ADIPOR2: variants seen among roughly 807,000 people sequenced by gnomAD.
ADIPOR2 encodes adiponectin receptor 2.
In ADIPOR2, 18 loss-of-function variants were observed where a neutral mutation model predicts 40.9. The ratio of observed to expected loss-of-function variants is 0.44; its 90% CI spans 0.30 to 0.65. ADIPOR2 has a LOEUF of 0.65. ADIPOR2 is among the 30% of genes least tolerant of loss of function. ADIPOR2 has a pLI of 0.09. For synonymous variants in ADIPOR2, 165 were observed against 166.4 expected (o/e 0.99, Z 0.06); for missense variants, 283 against 479.2 (o/e 0.59, Z 3.82).
chr12:1,714,929 CA>C (rs1279963396), intron 1 of ADIPOR2, among the ~76,000 whole-genome samples: 3 of 152,136 alleles, frequency 2.0e-5, no homozygotes, highest in Non-Finnish European at 4.4e-5. Context: ...GGTCTACTGT[CA>C]TCTGCTTTAA....
intron 1 of ADIPOR2, among the ~76,000 whole-genome samples, chr12:1,738,829 T>A (rs571018938): frequency 1.3e-5 from 2 of 152,330 alleles, no homozygotes; most frequent in South Asian, 2.1e-4. Context: ...ATTTTTAGAT[T>A]GATTTATATT....
intron 1 of ADIPOR2, among the ~76,000 whole-genome samples, chr12:1,726,948 A>T (rs2094709240): frequency 6.6e-6 from 1 of 152,180 alleles, no homozygotes; most frequent in Non-Finnish European, 1.5e-5. Flanking sequence ...CTGAGTCGTC[A>T]TCTTTCTATA....
At chr12:1,703,517 C>G (rs2094654876) in intron 1 of ADIPOR2, among the ~76,000 whole-genome samples, 2 of 152,172 alleles carry the variant, frequency 1.3e-5, no homozygotes, top group South Asian at 4.1e-4. Context: ...AGGAAGTTTG[C>G]TTGAGCCCAA....
intron 2 of ADIPOR2, chr12:1,758,106 T>A: frequency 1.8e-6 from 1 of 554,832 alleles, no homozygotes; most frequent in Non-Finnish European, 3.2e-6. Context: ...ATTGATTTTT[T>A]TATGTGTTGT....
chr12:1,704,183 A>G (rs2094657217), intron 1 of ADIPOR2, among the ~76,000 whole-genome samples: 1 of 150,324 alleles, frequency 6.7e-6, no homozygotes, highest in Admixed American at 6.8e-5. Context: ...AATAATTTTT[A>G]AAAGCAGCTC....
At chr12:1,779,494 G>A (rs952691095) in intron 4 of ADIPOR2, among the ~76,000 whole-genome samples, 1 of 152,166 alleles carries the variant, frequency 6.6e-6, no homozygotes, top group Non-Finnish European at 1.5e-5. Flanking sequence ...GTAGATTAGT[G>A]GTTGTTTAGG....
At position 1,780,571 on chromosome 12, in the gene ADIPOR2, T is replaced by C. The variant is rs756843147; in HGVS notation, c.584T>C (p.Leu195Pro). 1 of 1,613,804 alleles carries C rather than the reference T, an allele frequency of 6.2e-7. No individual in the cohort carries two copies. The highest frequency in any genetic ancestry group is 8.5e-7 in the Non-Finnish European group (1 of 1,179,886). Residue 195 changes from leucine to proline, a missense_variant, in exon 5 of 8, where the codon CTT becomes CCT. Physicochemically the swap from Leu to Pro is moderately conservative, Grantham distance 98. Transcript: ENST00000357103. The part of the protein sequence containing the change: ...GLFFLGAILC[L>P]SFSWLFHTVY... ...TTTTTCTTAGGAGCCATTCTCTGCC[T>C]TTCTTTTTCATGGCTCTTCCACACA...
In ADIPOR2 at chr12:1,697,519, T is replaced by G. The variant is rs78166310; in HGVS notation, c.-87+6328T>G. ...AGAGTTCAGTCATCACATCCAAAGA[T>G]ATCTTGGCTGCAGTTACATTGCTGT... is the stretch of plus-strand genomic sequence containing the variant. On this transcript the variant is annotated intron_variant, in intron 1 of 7. Coordinates refer to ENST00000357103, the MANE Select transcript of ADIPOR2 (RefSeq NM_024551.3). The G allele has an allele frequency of 7.9e-3, 1,208 of 153,056 alleles. 42 individuals are homozygous for G. In the South Asian group the frequency reaches 0.08, roughly 10 times the overall value. The allele number at this position is 153,056 out of a possible 1,614,324, so 9.5% of individuals were successfully genotyped here.
intron 1 of ADIPOR2, among the ~76,000 whole-genome samples, chr12:1,711,820 C>G (rs78182236): frequency 0.11 from 16,857 of 152,114 alleles, 1,241 homozygotes; most frequent in Admixed American, 0.22. Flanking sequence ...CTGCCACCTC[C>G]TTGGGTTTTT....
chr12:1,780,050 T>C (rs1159596933), intron 4 of ADIPOR2: 1 of 155,474 alleles, frequency 6.4e-6, no homozygotes, highest in Non-Finnish European at 1.4e-5. Context: ...TGGAATTCAT[T>C]GTAAAAACAA....
intron 1 of ADIPOR2, among the ~76,000 whole-genome samples, chr12:1,749,133 T>C (rs897134199): frequency 3.3e-5 from 5 of 152,128 alleles, no homozygotes; most frequent in African/African-American, 1.2e-4. Flanking sequence ...AGGTTACAGA[T>C]GAAGGGACGT....
intron 1 of ADIPOR2, among the ~76,000 whole-genome samples, chr12:1,716,673 G>T (rs904015138): frequency 9.2e-5 from 14 of 152,122 alleles, no homozygotes; most frequent in African/African-American, 2.7e-4. Flanking sequence ...GATGCATCTG[G>T]TTTTGCCAAA....
At chr12:1,748,202 T>C (rs2094760055) in intron 1 of ADIPOR2, among the ~76,000 whole-genome samples, 1 of 152,136 alleles carries the variant, frequency 6.6e-6, no homozygotes, top group Admixed American at 6.6e-5. Context: ...TTCATTGATC[T>C]CTATCTGAGG....
chr12:1,761,664 A>G (rs924722175), intron 2 of ADIPOR2, among the ~76,000 whole-genome samples: 4 of 152,230 alleles, frequency 2.6e-5, no homozygotes, highest in African/African-American at 9.6e-5. Flanking sequence ...TCTTTGAGGA[A>G]TTTGGAAATA....
Position 1,748,713 on chromosome 12 carries a change from G to A in ADIPOR2, c.-86-5545G>A, listed in dbSNP as rs116889944. On this transcript the variant is annotated intron_variant, in intron 1 of 7. Coordinates refer to ENST00000357103, the MANE Select transcript of ADIPOR2 (RefSeq NM_024551.3). ...TATCCTTCCATTATTGAATTGCTTT[G>A]GATATTTGTAAACGTGTTTAGGGAA... Among the ~76,000 whole-genome samples, 126 of 151,796 alleles carry A rather than the reference G, an allele frequency of 8.3e-4. 2 individuals carry two copies. In the East Asian group the frequency reaches 0.021, roughly 26 times the overall value.
chr12:1,746,690 C>T (rs148590089), intron 1 of ADIPOR2, among the ~76,000 whole-genome samples: 1 of 152,094 alleles, frequency 6.6e-6, no homozygotes, highest in Non-Finnish European at 1.5e-5. Context: ...TAATATGCCA[C>T]TTTCAATAAT....
intron 2 of ADIPOR2, among the ~76,000 whole-genome samples, chr12:1,759,883 G>C (rs1862231087): frequency 6.6e-6 from 1 of 152,026 alleles, no homozygotes; most frequent in Non-Finnish European, 1.5e-5. Flanking sequence ...AAATTAGCTG[G>C]GTGTGGTGGC....
intron 1 of ADIPOR2, among the ~76,000 whole-genome samples, chr12:1,713,720 CAA>C (rs1480968740): frequency 6.6e-6 from 1 of 152,052 alleles, no homozygotes; most frequent in East Asian, 1.9e-4. Context: ...GTGAAAAGAG[CAA>C]AGTCTCCCAA....
intron 2 of ADIPOR2, among the ~76,000 whole-genome samples, chr12:1,770,802 C>T (rs552600835): frequency 6.6e-6 from 1 of 152,014 alleles, no homozygotes; most frequent in African/African-American, 2.4e-5. Flanking sequence ...GAGGCACAGA[C>T]TTAAGTGCTA....
Sources: gnomAD v4.1 joint callset for allele counts (sites outside exome capture counted in the v4.1 genomes callset) on GRCh38, gnomAD v4.1.1 for gene constraint, MANE v1.5 for transcripts, NCBI Gene and HGNC (gene_info 2026-07-23, HGNC 2026-07-21) for gene names.